Variants in NRXN3 observed in about 807,000 individuals in gnomAD.
NRXN3 encodes neurexin III.
A neutral mutation model predicts 137.6 loss-of-function variants in NRXN3; 32 were observed. That is an observed-to-expected ratio of 0.23 (90% CI 0.18 to 0.31). The LOEUF (loss-of-function observed/expected upper bound fraction) is 0.31, where lower values mean the gene tolerates loss of function less well. Ranked by LOEUF, NRXN3 falls within the 10% of genes least tolerant of loss-of-function variation. The pLI, the probability that NRXN3 is intolerant of heterozygous loss-of-function variation, is 1.00. For missense variants in NRXN3, 1,574 were observed against 2,062.5 expected (o/e 0.76, Z 4.59); for synonymous variants, 798 against 784.5 (o/e 1.02, Z -0.29).
At chr14:78,915,388 A>ACAAGCAAG (rs1306602552) in intron 10 of NRXN3, among the ~76,000 whole-genome samples, 1 of 150,840 alleles carries the variant, frequency 6.6e-6, no homozygotes, top group Non-Finnish European at 1.5e-5. Context: ...CAGAAAAAAA[A>ACAAGCAAG]CAAGCAAGCA....
intron 15 of NRXN3, chr14:79,314,157 G>A (rs1426542816): frequency 6.7e-6 from 1 of 149,156 alleles, no homozygotes; most frequent in Middle Eastern, 3.4e-3. Context: ...GAGGTACCGG[G>A]TTCATCTCAC....
intron 4 of NRXN3, among the ~76,000 whole-genome samples, chr14:78,375,532 C>T (rs1204820014): frequency 6.6e-6 from 1 of 152,140 alleles, no homozygotes; most frequent in Non-Finnish European, 1.5e-5. Flanking sequence ...TAGTAAGCTC[C>T]TATTATGTGC....
chr14:79,682,685 A>C, intron 17 of NRXN3, among the ~76,000 whole-genome samples: 1 of 152,178 alleles, frequency 6.6e-6, no homozygotes, highest in Non-Finnish European at 1.5e-5. Flanking sequence ...TCTAAGCAGA[A>C]GTTTGAGAAA....
chr14:78,571,603 C>T (rs2096889993), intron 4 of NRXN3, among the ~76,000 whole-genome samples: 1 of 152,140 alleles, frequency 6.6e-6, no homozygotes, highest in Non-Finnish European at 1.5e-5. Flanking sequence ...AGGTGTCAGA[C>T]ATTCTTGGGT....
chr14:79,695,876 A>G (rs1399242069), intron 18 of NRXN3, among the ~76,000 whole-genome samples: 1 of 152,008 alleles, frequency 6.6e-6, no homozygotes, highest in African/African-American at 2.4e-5. Context: ...TTCTGTAGTC[A>G]TTAAGGCCAG....
At chr14:78,855,149 C>T (rs1179070080) in intron 10 of NRXN3, among the ~76,000 whole-genome samples, 4 of 146,976 alleles carry the variant, frequency 2.7e-5, no homozygotes, top group Admixed American at 2.0e-4. Context: ...GGGGACAGAG[C>T]GAGACTGCAT....
At chr14:78,450,060 C>T (rs956337916) in intron 4 of NRXN3, among the ~76,000 whole-genome samples, 1 of 152,122 alleles carries the variant, frequency 6.6e-6, no homozygotes, top group Admixed American at 6.5e-5. Context: ...ATGGAAAGCT[C>T]ATCAGGAATT....
At chr14:78,575,047 C>A (rs988669914) in intron 4 of NRXN3, among the ~76,000 whole-genome samples, 1 of 152,122 alleles carries the variant, frequency 6.6e-6, no homozygotes, top group Non-Finnish European at 1.5e-5. Context: ...TGAGTGAGTT[C>A]TCATGATATC....
intron 15 of NRXN3, among the ~76,000 whole-genome samples, chr14:79,352,964 T>C (rs994161934): frequency 1.3e-5 from 2 of 152,112 alleles, no homozygotes; most frequent in Admixed American, 6.5e-5. Flanking sequence ...TTAAACTTGG[T>C]TTTGTCACCT....
At chr14:79,718,651 C>T (rs1349886764) in intron 19 of NRXN3, among the ~76,000 whole-genome samples, 1 of 151,770 alleles carries the variant, frequency 6.6e-6, no homozygotes, top group Non-Finnish European at 1.5e-5. Context: ...CCTCACCCTG[C>T]ATCTTGTCCT....
chr14:78,987,991 C>CT (rs748768018), intron 14 of NRXN3, 31 bp from the exon 15 acceptor site: 1 of 1,587,584 alleles, frequency 6.3e-7, no homozygotes, highest in East Asian at 2.2e-5. Flanking sequence ...TCTCCTTTTT[C>CT]TTTTTTTCCC....
In NRXN3 at chr14:79,703,975, G is replaced by T. The variant is rs116328602; in HGVS notation, c.4014+6038G>T. On this transcript the variant is annotated intron_variant, in intron 19 of 20. Coordinates refer to ENST00000335750, the MANE Select transcript of NRXN3 (RefSeq NM_001330195.2). ...TTCCTGTGGGGCTGGATAAGCCCAG[G>T]AACAATTTTGTTTATACTCATACAA... Among the ~76,000 whole-genome samples, 970 of 152,108 alleles carry T rather than the reference G, an allele frequency of 6.4e-3. 10 individuals carry two copies. Among genetic ancestry groups the T allele is most frequent in the African/African-American group, 0.022 (929 of 41,504 alleles).
chr14:78,458,061 A>AAT (rs554264487), intron 4 of NRXN3, among the ~76,000 whole-genome samples: 112 of 152,282 alleles, frequency 7.4e-4, no homozygotes, highest in African/African-American at 2.6e-3. Flanking sequence ...TTTACTCTAG[A>AAT]ATATGAGCAA....
intron 15 of NRXN3, among the ~76,000 whole-genome samples, chr14:79,070,522 T>C (rs2099686310): frequency 6.6e-6 from 1 of 152,220 alleles, no homozygotes; most frequent in Admixed American, 6.5e-5. Flanking sequence ...TCCAGCCACA[T>C]GCAGTGCTCC....
intron 15 of NRXN3, among the ~76,000 whole-genome samples, chr14:79,176,385 G>A (rs918433938): frequency 1.3e-5 from 2 of 152,092 alleles, no homozygotes; most frequent in African/African-American, 4.8e-5. Flanking sequence ...TTTAATGAGC[G>A]GCACACTCTC....
At chr14:78,795,349 GTAT>G (rs1379040967) in intron 8 of NRXN3, among the ~76,000 whole-genome samples, 1 of 152,114 alleles carries the variant, frequency 6.6e-6, no homozygotes, top group Admixed American at 6.5e-5. Flanking sequence ...TCCATTGTAA[GTAT>G]TATTATATTG....
intron 4 of NRXN3, among the ~76,000 whole-genome samples, chr14:78,509,107 C>A (rs1238348643): frequency 6.6e-6 from 1 of 152,122 alleles, no homozygotes; most frequent in Non-Finnish European, 1.5e-5. Context: ...TGAGACCAAC[C>A]TGGCCAACAC....
intron 16 of NRXN3, among the ~76,000 whole-genome samples, chr14:79,623,586 G>A (rs1014696778): frequency 2.0e-4 from 30 of 152,198 alleles, no homozygotes; most frequent in Non-Finnish European, 4.4e-5. Context: ...AGCTATCATA[G>A]TTGAAATAAT....
intron 4 of NRXN3, among the ~76,000 whole-genome samples, chr14:78,392,613 T>A (rs539567019): frequency 6.6e-6 from 1 of 152,292 alleles, no homozygotes; most frequent in South Asian, 2.1e-4. Flanking sequence ...GATAATAGCA[T>A]CCTTTTGAAA....
Sources: gnomAD v4.1 joint callset for allele counts (sites outside exome capture counted in the v4.1 genomes callset) on GRCh38, gnomAD v4.1.1 for gene constraint, MANE v1.5 for transcripts, NCBI Gene and HGNC (gene_info 2026-07-23, HGNC 2026-07-21) for gene names.